POTEE: variants seen among roughly 807,000 people sequenced by gnomAD.
The protein encoded by POTEE is POTE ankyrin domain family member E.
POTEE carries 21 observed loss-of-function variants against 74.2 expected under a neutral mutation model. The observed-to-expected ratio is 0.28, with a 90% CI of 0.20 to 0.41. The LOEUF (loss-of-function observed/expected upper bound fraction) is 0.41, where lower values mean the gene tolerates loss of function less well. Among genes scored for constraint, POTEE ranks in the 10% least tolerant of loss-of-function variants. The probability of loss-of-function intolerance (pLI) is 1.00; values close to 1 mark genes in which losing one functional copy is unlikely to be tolerated. For missense variants in POTEE, 525 were observed against 1,158.6 expected (o/e 0.45, Z 7.94); for synonymous variants, 211 against 432.8 (o/e 0.49, Z 6.36).
intron 8 of POTEE, 55 bp downstream of exon 8, chr2:131,228,436 A>T (rs1700848475): frequency 1.9e-6 from 3 of 1,595,170 alleles, no homozygotes; most frequent in Non-Finnish European, 8.5e-7. Flanking sequence ...TAAAATAATT[A>T]TAACAGTTGC....
At chr2:131,234,096 G>A (rs981616263) in intron 9 of POTEE, among the ~76,000 whole-genome samples, 1 of 150,378 alleles carries the variant, frequency 6.6e-6, no homozygotes, top group Non-Finnish European at 1.5e-5. Flanking sequence ...GATGATAAAT[G>A]TCCATGTGTA....
intron 2 of POTEE, among the ~76,000 whole-genome samples, chr2:131,215,874 T>G (rs1258040727): frequency 1.5e-5 from 2 of 136,642 alleles, no homozygotes; most frequent in Non-Finnish European, 3.1e-5. Context: ...TGTAACTGAC[T>G]TGCCAGAGTA....
In POTEE at chr2:131,264,072, C is replaced by T; in HGVS notation, c.2617C>T (p.His873Tyr). The T allele has an allele frequency of 6.2e-7, 1 of 1,614,006 alleles. No homozygotes were observed. Among genetic ancestry groups the T allele is most frequent in the East Asian group, 2.2e-5 (1 of 44,876 alleles). The change falls in exon 18 of 18, where the codon CAT becomes TAT. Residue 873 changes from histidine (H) to tyrosine (Y), a missense_variant. His to Tyr is a moderately conservative substitution (Grantham distance 83). Coordinates refer to ENST00000683005, the MANE Select transcript of POTEE (RefSeq NM_001083538.3). ...CATCTATGAGGGGAATGCCCTCCCCCATGCCACCCTGCGCCTAGACCTGGC... is the reference window on the plus strand; with the variant it reads ...CATCTATGAGGGGAATGCCCTCCCCTATGCCACCCTGCGCCTAGACCTGGC... ...VPIYEGNALP[H>Y]ATLRLDLAGR...
At position 131,210,066 on chromosome 2, in the gene POTEE, G is replaced by T. The variant is rs1438137509; in HGVS notation, c.-345+247G>T. Among the ~76,000 whole-genome samples, 213 of 140,976 alleles carry T rather than the reference G, an allele frequency of 1.5e-3. 1 individual carries two copies. The highest frequency in any genetic ancestry group is 5.1e-3 in the African/African-American group (184 of 36,212). The allele number at this position is 140,976 out of a possible 152,430, so 92.5% of individuals were successfully genotyped here. On this transcript the variant is annotated intron_variant, in intron 1 of 17. Transcript: ENST00000683005. Reference sequence around the variant, plus strand: ...AACGTGTACTGCCGGTGGCGGGGGAGGGGTTAGGGGCACTATTTTCTGCTG... The same window carrying T: ...AACGTGTACTGCCGGTGGCGGGGGATGGGTTAGGGGCACTATTTTCTGCTG...
At chr2:131,212,471 G>A (rs556908420) in intron 2 of POTEE, among the ~76,000 whole-genome samples, 147 of 149,532 alleles carry the variant, frequency 9.8e-4, no homozygotes, top group African/African-American at 3.4e-3. Context: ...CACATATTTG[G>A]AGCTATGCAG....
At chr2:131,235,496 T>C (rs2105099992) in intron 9 of POTEE, among the ~76,000 whole-genome samples, 1 of 152,012 alleles carries the variant, frequency 6.6e-6, no homozygotes, top group Middle Eastern at 3.4e-3. Context: ...ATAGCATTGT[T>C]TTAAAAGATA....
At chr2:131,233,091 G>A (rs1460223241) in intron 9 of POTEE, among the ~76,000 whole-genome samples, 1 of 152,092 alleles carries the variant, frequency 6.6e-6, no homozygotes, top group African/African-American at 2.4e-5. Flanking sequence ...AATAAGGAAT[G>A]GCTATTGATA....
chr2:131,256,964 C>T (rs1477202913), intron 16 of POTEE, among the ~76,000 whole-genome samples: 1 of 152,298 alleles, frequency 6.6e-6, no homozygotes, highest in African/African-American at 2.4e-5. Context: ...TCTTTAACTT[C>T]AAACCTGTTT....
At chr2:131,231,566 G>A (rs934764172) in intron 9 of POTEE, among the ~76,000 whole-genome samples, 1 of 151,972 alleles carries the variant, frequency 6.6e-6, no homozygotes, top group African/African-American at 2.4e-5. Context: ...GTCCCAATAA[G>A]GTCTCACTAT....
At chr2:131,230,647 A>AT (rs1304317898) in intron 8 of POTEE, among the ~76,000 whole-genome samples, 189 bp from the exon 9 acceptor site, 2 of 151,962 alleles carry the variant, frequency 1.3e-5, no homozygotes, top group East Asian at 3.9e-4. Flanking sequence ...TTCACCTTAC[A>AT]TTTTTTTCTT....
Position 131,230,689 on chromosome 2 carries a change from G to T in POTEE, c.1056-147G>T. Reference sequence around the variant, plus strand: ...TTAGAAGCTTAAAGAGAAGTTTGTAGAATGTATTCATAAGTGGATGGGATA... The same window carrying T: ...TTAGAAGCTTAAAGAGAAGTTTGTATAATGTATTCATAAGTGGATGGGATA... On this transcript the variant is annotated intron_variant, in intron 8 of 17. Transcript: ENST00000683005. The T allele has an allele frequency of 4.3e-6, 3 of 699,824 alleles. 1 individual carries two copies. In the South Asian group the frequency reaches 5.7e-5, roughly 13 times the overall value. The allele number at this position is 699,824 out of a possible 1,614,324, so 43.4% of individuals were successfully genotyped here. A position where few individuals can be genotyped will look rare whatever the true frequency, so the allele number is the denominator to read the frequency against.
rs1416792582 is a variant in POTEE at position 131,217,701 on chromosome 2, GC to G, written c.-94+20del. Among the ~76,000 whole-genome samples the G allele has an allele frequency of 1.3e-5, 2 of 150,674 alleles. No individual in the cohort carries two copies. The highest frequency in any genetic ancestry group is 4.9e-5 in the African/African-American group (2 of 40,846). On this transcript the variant is annotated intron_variant, in intron 3 of 17. Coordinates refer to ENST00000683005, the MANE Select transcript of POTEE (RefSeq NM_001083538.3). Reference sequence around the variant, plus strand: ...TTAAGCAGGCGCGTTGCATGCATCGGCCAGTGTCTGTGCCACGTGCCCTGAC... The same window carrying G: ...TTAAGCAGGCGCGTTGCATGCATCGGCAGTGTCTGTGCCACGTGCCCTGAC...
chr2:131,233,093 C>G (rs1374072383), intron 9 of POTEE, among the ~76,000 whole-genome samples: 2 of 152,054 alleles, frequency 1.3e-5, no homozygotes, highest in African/African-American at 2.4e-5. Flanking sequence ...TAAGGAATGG[C>G]TATTGATAGG....
chr2:131,215,894 G>A (rs1395619449), intron 2 of POTEE, among the ~76,000 whole-genome samples: 1 of 139,944 alleles, frequency 7.1e-6, no homozygotes, highest in Non-Finnish European at 1.5e-5. Flanking sequence ...AATTATACAA[G>A]GCAAAGAAAG....
chr2:131,224,191 T>C, intron 6 of POTEE, 148 bp downstream of exon 6: 3 of 1,209,680 alleles, frequency 2.5e-6, no homozygotes. Context: ...AAGACTTCAT[T>C]TTAAATATTG....
chr2:131,229,236 G>T lies in POTEE; in HGVS notation c.1055+855G>T, dbSNP rs535950130. Among the ~76,000 whole-genome samples the T allele has an allele frequency of 2.8e-3, 428 of 152,270 alleles. 1 individual carries two copies. Among genetic ancestry groups the T allele is most frequent in the African/African-American group, 9.1e-3 (376 of 41,512 alleles). ...TCTCTGGCAGATGTTAGGTGGGCTT[G>T]TTCTAAAGGGTGAGAGGGGTTCAAA... is the stretch of plus-strand genomic sequence containing the variant. On this transcript the variant is annotated intron_variant, in intron 8 of 17. Coordinates refer to ENST00000683005, the MANE Select transcript of POTEE (RefSeq NM_001083538.3).
chr2:131,209,638 G>C lies in POTEE; in HGVS notation c.-526G>C, dbSNP rs1483858967. Among the ~76,000 whole-genome samples, 1 of 56,236 alleles carries C rather than the reference G, an allele frequency of 1.8e-5. No homozygotes were observed. Among genetic ancestry groups the C allele is most frequent in the Non-Finnish European group, 4.3e-5 (1 of 23,506 alleles). 36.9% of individuals were successfully genotyped at this position (56,236 alleles called of 152,430 possible). A position where few individuals can be genotyped will look rare whatever the true frequency, so the allele number is the denominator to read the frequency against. On this transcript the variant is annotated 5_prime_UTR_variant, in exon 1 of 18. Coordinates refer to ENST00000683005, the MANE Select transcript of POTEE (RefSeq NM_001083538.3). ...CTCACTGCAGTTGGTGGTGTCCACAGAGCGGTAGGAGGGCAACTAGTAGCG... is the reference window on the plus strand; with the variant it reads ...CTCACTGCAGTTGGTGGTGTCCACACAGCGGTAGGAGGGCAACTAGTAGCG...
intron 16 of POTEE, among the ~76,000 whole-genome samples, chr2:131,258,381 T>C (rs1701618277): frequency 9.0e-6 from 1 of 110,516 alleles, no homozygotes; most frequent in Non-Finnish European, 1.9e-5. Context: ...AATTTATTTC[T>C]TAAAAATAAG....
chr2:131,238,027 AATT>A (rs1257628342), intron 10 of POTEE, among the ~76,000 whole-genome samples, 164 bp from the exon 11 acceptor site: 1 of 151,390 alleles, frequency 6.6e-6, no homozygotes, highest in Non-Finnish European at 1.5e-5. Flanking sequence ...TCTTAATTTT[AATT>A]ATTATTTATT....
Sources: allele counts gnomAD v4.1 joint callset (sites outside exome capture counted in the v4.1 genomes callset), GRCh38; gene constraint gnomAD v4.1.1; transcripts MANE v1.5; gene names NCBI Gene and HGNC (gene_info 2026-07-23, HGNC 2026-07-21).